RGS6: variants seen among roughly 807,000 people sequenced by gnomAD.
The protein encoded by RGS6 is regulator of G-protein signaling 6.
RGS6 carries 30 observed loss-of-function variants against 78.5 expected under a neutral mutation model. The observed-to-expected ratio is 0.38, with a 90% confidence interval of 0.29 to 0.52. The LOEUF (loss-of-function observed/expected upper bound fraction) is 0.52. Ranked by LOEUF, RGS6 falls within the 20% of genes least tolerant of loss-of-function variation. The probability of loss-of-function intolerance (pLI) is 0.85; values close to 1 mark genes in which losing one functional copy is unlikely to be tolerated. For missense variants in RGS6, 495 were observed against 609.7 expected (o/e 0.81, Z 1.98); for synonymous variants, 206 against 206.0 (o/e 1.00, Z 0.00).
intron 1 of RGS6, among the ~76,000 whole-genome samples, chr14:71,956,795 A>G (rs1390197874): frequency 6.6e-6 from 1 of 152,186 alleles, no homozygotes; most frequent in African/African-American, 2.4e-5. Flanking sequence ...AGTATTAACC[A>G]TCACAAGGGG....
At chr14:72,508,145 A>G (rs1294491696) in intron 13 of RGS6, among the ~76,000 whole-genome samples, 1 of 151,956 alleles carries the variant, frequency 6.6e-6, no homozygotes, top group African/African-American at 2.4e-5. Flanking sequence ...CCATGACCCT[A>G]TTGGACTATG....
intron 2 of RGS6, among the ~76,000 whole-genome samples, chr14:72,246,708 A>G (rs2054298242): frequency 6.6e-6 from 1 of 152,076 alleles, no homozygotes; most frequent in Non-Finnish European, 1.5e-5. Flanking sequence ...TCAGGAGTTC[A>G]AGGTCGGCCT....
At chr14:71,937,372 G>A (rs1163927708) in intron 1 of RGS6, among the ~76,000 whole-genome samples, 2 of 152,298 alleles carry the variant, frequency 1.3e-5, no homozygotes, top group South Asian at 4.1e-4. Flanking sequence ...GGGTGATGGT[G>A]AGTGGTGCCA....
At chr14:72,039,605 A>G (rs2092159321) in intron 2 of RGS6, among the ~76,000 whole-genome samples, 1 of 152,122 alleles carries the variant, frequency 6.6e-6, no homozygotes, top group Non-Finnish European at 1.5e-5. Context: ...AATCTCTTGT[A>G]TACATCAGAT....
intron 2 of RGS6, among the ~76,000 whole-genome samples, chr14:72,022,022 G>T (rs1230307628): frequency 6.6e-6 from 1 of 151,958 alleles, no homozygotes; most frequent in Non-Finnish European, 1.5e-5. Context: ...GAGAACATGC[G>T]GTATTTGGTT....
chr14:72,346,773 C>G (rs542043584), intron 2 of RGS6, among the ~76,000 whole-genome samples: 28 of 152,348 alleles, frequency 1.8e-4, no homozygotes, highest in African/African-American at 6.7e-4. Context: ...CTCCTGGGTT[C>G]TCCCCCATGT....
the RGS6 span, among the ~76,000 whole-genome samples, chr14:71,897,839 T>C: frequency 6.6e-6 from 1 of 151,968 alleles, no homozygotes; most frequent in Non-Finnish European, 1.5e-5. Flanking sequence ...TGTAAAAGAA[T>C]GTTTACAGCA....
intron 2 of RGS6, among the ~76,000 whole-genome samples, chr14:72,300,912 A>G (rs558555064): frequency 6.6e-6 from 1 of 152,384 alleles, no homozygotes; most frequent in South Asian, 2.1e-4. Flanking sequence ...GATCGTTACT[A>G]AATGGGTATT....
intron 3 of RGS6, among the ~76,000 whole-genome samples, chr14:72,433,322 CT>C (rs1196203932): frequency 6.6e-6 from 1 of 151,444 alleles, no homozygotes; most frequent in African/African-American, 2.4e-5. Flanking sequence ...GCAACACACA[CT>C]GGGGCCTGTC....
Position 72,499,572 on chromosome 14 carries a change from G to A in RGS6, c.965+4310G>A, listed in dbSNP as rs149052163. On this transcript the variant is annotated intron_variant, in intron 13 of 17. Transcript: ENST00000553525. ...GTCACAAGTTCAGTCTATGTGCTTC[G>A]TGCCTTCCTGAAATTTCTCAAAGCT... Among the ~76,000 whole-genome samples, 156 of 152,250 alleles carry A rather than the reference G, an allele frequency of 1.0e-3. 1 individual carries two copies. Among genetic ancestry groups the A allele is most frequent in the African/African-American group, 3.5e-3 (147 of 41,536 alleles).
chr14:72,395,368 G>A (rs966732662), intron 3 of RGS6, among the ~76,000 whole-genome samples: 3 of 151,982 alleles, frequency 2.0e-5, no homozygotes, highest in African/African-American at 7.3e-5. Flanking sequence ...AGAGAAGTTG[G>A]CTGGCTAGAT....
chr14:72,369,794 T>C (rs1174827355), intron 3 of RGS6, among the ~76,000 whole-genome samples: 2 of 152,232 alleles, frequency 1.3e-5, no homozygotes, highest in Non-Finnish European at 2.9e-5. Context: ...ATATCATAAC[T>C]AATCATATTA....
intron 2 of RGS6, among the ~76,000 whole-genome samples, chr14:72,277,663 C>A (rs779181268): frequency 6.6e-5 from 10 of 151,926 alleles, no homozygotes; most frequent in Non-Finnish European, 1.3e-4. Flanking sequence ...GTGAGTGGCT[C>A]CTGCCTATAA....
At chr14:72,413,285 GTTC>G (rs1255055184) in intron 3 of RGS6, among the ~76,000 whole-genome samples, 4 of 152,230 alleles carry the variant, frequency 2.6e-5, no homozygotes, top group African/African-American at 7.2e-5. Context: ...AGGATAGTTA[GTTC>G]TTCTTGTTGA....
At chr14:72,490,777 T>A (rs542237202) in intron 12 of RGS6, among the ~76,000 whole-genome samples, 1 of 152,244 alleles carries the variant, frequency 6.6e-6, no homozygotes, top group Non-Finnish European at 1.5e-5. Flanking sequence ...TTTACATCCA[T>A]CTTCAAAACC....
At chr14:72,210,527 T>C (rs1006177238) in intron 2 of RGS6, among the ~76,000 whole-genome samples, 11 of 152,218 alleles carry the variant, frequency 7.2e-5, no homozygotes, top group African/African-American at 2.4e-4. Context: ...TGTTTTATTT[T>C]TGAGTCACTT....
At chr14:72,598,211 C>T in the RGS6 span, among the ~76,000 whole-genome samples, 5 of 152,194 alleles carry the variant, frequency 3.3e-5, no homozygotes, top group Non-Finnish European at 7.3e-5. Flanking sequence ...TCCTGGCTGC[C>T]GGAGTTGAGC....
chr14:72,471,744 G>A (rs1233038198), intron 8 of RGS6, among the ~76,000 whole-genome samples: 10 of 152,204 alleles, frequency 6.6e-5, no homozygotes, highest in Non-Finnish European at 1.2e-4. Flanking sequence ...GGGGATAGGC[G>A]GGTACCAGGC....
chr14:72,464,860 G>A (rs2095862410), intron 6 of RGS6: 1 of 152,212 alleles, frequency 6.6e-6, no homozygotes, highest in Non-Finnish European at 1.5e-5. Context: ...GACAAGACAG[G>A]CTATGGTGCT....
Sources: gnomAD v4.1 joint callset for allele counts (sites outside exome capture counted in the v4.1 genomes callset) on GRCh38, gnomAD v4.1.1 for gene constraint, MANE v1.5 for transcripts, NCBI Gene and HGNC (gene_info 2026-07-23, HGNC 2026-07-21) for gene names.